Variants in CNTN5 observed in about 807,000 individuals in gnomAD.
CNTN5 encodes the protein contactin 5, also known as contactin-5.
CNTN5 carries 77 observed loss-of-function variants against 129.1 expected under a neutral mutation model. The ratio of observed to expected loss-of-function variants is 0.60; its 90% CI spans 0.50 to 0.72. The LOEUF (loss-of-function observed/expected upper bound fraction) is 0.72, where lower values mean the gene tolerates loss of function less well. Among genes scored for constraint, CNTN5 ranks in the 30% least tolerant of loss-of-function variants. The pLI is 0.00. For missense variants in CNTN5, 1,478 were observed against 1,328.8 expected, an observed-to-expected ratio of 1.11 and a Z score of -1.75; for synonymous variants, 509 against 465.6, an observed-to-expected ratio of 1.09 and a Z score of -1.20.
At chr11:99,772,258 A>C (rs1156807125) in intron 3 of CNTN5, among the ~76,000 whole-genome samples, 1 of 151,998 alleles carries the variant, frequency 6.6e-6, no homozygotes, top group Non-Finnish European at 1.5e-5. Context: ...CTCAAGATTA[A>C]TATAGTGTAG....
chr11:99,842,402 G>C (rs562396059), intron 4 of CNTN5, among the ~76,000 whole-genome samples: 1 of 152,222 alleles, frequency 6.6e-6, no homozygotes, highest in East Asian at 1.9e-4. Flanking sequence ...AATATACAAG[G>C]TATTTGCAAA....
chr11:99,988,961 T>G (rs1938873908), intron 8 of CNTN5, among the ~76,000 whole-genome samples: 1 of 152,108 alleles, frequency 6.6e-6, no homozygotes, highest in Admixed American at 6.5e-5. Context: ...CAGTTTTTTG[T>G]TTGTTTGTTT....
At chr11:100,314,982 T>C (rs1951549135) in intron 21 of CNTN5, among the ~76,000 whole-genome samples, 1 of 152,196 alleles carries the variant, frequency 6.6e-6, no homozygotes, top group Non-Finnish European at 1.5e-5. Context: ...AAACAATAAA[T>C]ACAACTGAGT....
intron 2 of CNTN5, among the ~76,000 whole-genome samples, chr11:99,543,686 G>A (rs2131942): frequency 0.29 from 43,475 of 151,920 alleles, 6,697 homozygotes; most frequent in Middle Eastern, 0.4. Context: ...GGGAGGCTGA[G>A]GTGGGTGGAT....
chr11:99,584,203 T>C (rs1385981274), intron 3 of CNTN5, among the ~76,000 whole-genome samples: 3 of 152,162 alleles, frequency 2.0e-5, no homozygotes, highest in African/African-American at 7.2e-5. Context: ...TGTTCCCTTT[T>C]GGGGGACAAA....
chr11:99,903,026 T>C (rs1158749966), intron 6 of CNTN5, among the ~76,000 whole-genome samples: 10 of 152,258 alleles, frequency 6.6e-5, no homozygotes, highest in African/African-American at 2.4e-4. Context: ...ATTATTCAGA[T>C]AGAACTGTTG....
intron 2 of CNTN5, among the ~76,000 whole-genome samples, chr11:99,522,059 A>C (rs2135441422): frequency 6.6e-6 from 1 of 152,324 alleles, no homozygotes; most frequent in East Asian, 1.9e-4. Flanking sequence ...ATGGGGCCAC[A>C]GAGGAAAACT....
At chr11:99,812,244 TG>T (rs1946450355) in intron 3 of CNTN5, among the ~76,000 whole-genome samples, 1 of 152,136 alleles carries the variant, frequency 6.6e-6, no homozygotes, top group African/African-American at 2.4e-5. Context: ...TTTTAGAATT[TG>T]TTTTTGGGAA....
At chr11:99,825,572 TAA>T (rs34993588) in intron 4 of CNTN5, among the ~76,000 whole-genome samples, 1 of 152,060 alleles carries the variant, frequency 6.6e-6, no homozygotes, top group African/African-American at 2.4e-5. Flanking sequence ...TATTTTGTGG[TAA>T]AAAGGATATC....
At chr11:100,298,278 A>C (rs1338556629) in intron 19 of CNTN5, among the ~76,000 whole-genome samples, 1 of 151,472 alleles carries the variant, frequency 6.6e-6, no homozygotes, top group Non-Finnish European at 1.5e-5. Context: ...CCATGAGCAC[A>C]TAATCTGTCC....
intron 21 of CNTN5, among the ~76,000 whole-genome samples, chr11:100,336,158 T>A (rs1952035137): frequency 6.6e-6 from 1 of 152,322 alleles, no homozygotes; most frequent in Admixed American, 6.5e-5. Flanking sequence ...AAAATTCACA[T>A]ATAGACCTTC....
chr11:99,839,360 T>G (rs1205400215), intron 4 of CNTN5, among the ~76,000 whole-genome samples: 1 of 152,116 alleles, frequency 6.6e-6, no homozygotes, highest in African/African-American at 2.4e-5. Context: ...TCAGGATACT[T>G]CAGAACATAT....
At chr11:99,400,036 C>T (rs1173981659) in intron 2 of CNTN5, among the ~76,000 whole-genome samples, 1 of 151,886 alleles carries the variant, frequency 6.6e-6, no homozygotes, top group Non-Finnish European at 1.5e-5. Context: ...TACAATGGTA[C>T]TTTTAGTACT....
chr11:99,987,234 C>T (rs1221286314), intron 8 of CNTN5, among the ~76,000 whole-genome samples: 1 of 151,848 alleles, frequency 6.6e-6, no homozygotes, highest in Non-Finnish European at 1.5e-5. Flanking sequence ...GTGTGAGGAT[C>T]CAAAGGGAAC....
At chr11:99,253,993 A>G (rs1862248828) in intron 1 of CNTN5, among the ~76,000 whole-genome samples, 1 of 150,720 alleles carries the variant, frequency 6.6e-6, no homozygotes, top group Non-Finnish European at 1.5e-5. Context: ...ATATTGTGAA[A>G]CAATGTTTAA....
At chr11:99,625,092 T>C (rs1951081965) in intron 3 of CNTN5, among the ~76,000 whole-genome samples, 1 of 152,186 alleles carries the variant, frequency 6.6e-6, no homozygotes, top group Non-Finnish European at 1.5e-5. Flanking sequence ...GTTCCAGAAT[T>C]AATGAAAGAT....
intron 21 of CNTN5, among the ~76,000 whole-genome samples, chr11:100,312,571 C>T (rs1292913789): frequency 5.3e-5 from 8 of 152,026 alleles, no homozygotes; most frequent in African/African-American, 1.4e-4. Context: ...TCTATCCCTA[C>T]CACAATTCTA....
chr11:100,260,973 T>G (rs1048287227), intron 17 of CNTN5, among the ~76,000 whole-genome samples: 108 of 152,058 alleles, frequency 7.1e-4, no homozygotes, highest in African/African-American at 1.9e-3. Flanking sequence ...AAGAAATAAA[T>G]GGTATTCAAA....
At chr11:99,766,141 A>G (rs1015842589) in intron 3 of CNTN5, among the ~76,000 whole-genome samples, 2 of 152,000 alleles carry the variant, frequency 1.3e-5, no homozygotes, top group African/African-American at 2.4e-5. Flanking sequence ...ATGTTTTTGG[A>G]AATTTTAACT....
Sources: gnomAD v4.1 joint callset for allele counts (sites outside exome capture counted in the v4.1 genomes callset) on GRCh38, gnomAD v4.1.1 for gene constraint, MANE v1.5 for transcripts, NCBI Gene and HGNC (gene_info 2026-07-23, HGNC 2026-07-21) for gene names.